The following DBI variants were observed in gnomAD, a reference collection of about 807,000 sequenced individuals.
The protein encoded by DBI is diazepam binding inhibitor, acyl-CoA binding protein.
Under a neutral mutation model 13.0 loss-of-function variants are expected in DBI, and 12 were observed. The observed-to-expected ratio is 0.92, with a 90% CI of 0.59 to 1.49. The LOEUF (loss-of-function observed/expected upper bound fraction) is 1.49. Among genes scored for constraint, DBI ranks in the 40% most tolerant of loss-of-function variants. The pLI is 0.00. For missense variants in DBI, 95 were observed against 104.8 expected (o/e 0.91, Z 0.41); for synonymous variants, 37 against 37.4 (o/e 0.99, Z 0.04).
intron 1 of DBI, chr2:119,367,672 G>C: frequency 6.2e-7 from 1 of 1,613,446 alleles, no homozygotes. Context: ...GGGCCCCAGG[G>C]GGAGGGAGGG....
At chr2:119,367,398 C>G in intron 1 of DBI, 3 of 1,478,072 alleles carry the variant, frequency 2.0e-6, no homozygotes, top group South Asian at 1.3e-5. Context: ...GTCCCCATCC[C>G]GAAGCACAGG....
In DBI at chr2:119,372,527, G is replaced by A. The variant is rs1573733283; in HGVS notation, c.*209G>A. The A allele has an allele frequency of 6.4e-6, 3 of 470,638 alleles. No homozygotes were observed. The highest frequency in any genetic ancestry group is 5.9e-4 in the Middle Eastern group (1 of 1,706). 29.2% of individuals were successfully genotyped at this position (470,638 alleles called of 1,614,324 possible). A position where few individuals can be genotyped will look rare whatever the true frequency, so the allele number is the denominator to read the frequency against. Reference sequence around the variant, plus strand: ...TTTTTATCTGAAATCAATTAAAAGTGTATTTGTTACTTTAAATAACTTTAG... The same window carrying A: ...TTTTTATCTGAAATCAATTAAAAGTATATTTGTTACTTTAAATAACTTTAG... On this transcript the variant is annotated 3_prime_UTR_variant, in exon 4 of 4. Transcript: ENST00000355857.
chr2:119,368,623 G>A lies in DBI; in HGVS notation c.127+318G>A, dbSNP rs112677173. On this transcript the variant is annotated intron_variant, in intron 2 of 3. Transcript: ENST00000355857. ...AGCTCAGTAGTATCATTGTTGAGCC[G>A]TTCAGCTTCTGCCCTAGATGGGCAG... The A allele has an allele frequency of 2.8e-3, 717 of 257,208 alleles. 7 individuals carry two copies. Among genetic ancestry groups the A allele is most frequent in the African/African-American group, 0.013 (619 of 46,080 alleles). The allele number at this position is 257,208 out of a possible 1,614,324, so 15.9% of individuals were successfully genotyped here.
rs1350161835 is a variant in DBI, at chr2:119,367,080, A to G, written c.9+20A>G. ...TCTCAGGTACAGCGCGTGCACAGCC[A>G]GGCTGCGAAGGTGCAGCGGGCGGGA... On this transcript the variant is annotated intron_variant, in intron 1 of 3. Coordinates refer to ENST00000355857, the MANE Select transcript of DBI (RefSeq NM_001079862.4). 6.2e-7 allele frequency: 1 copy of G among 1,613,716 alleles called. No homozygotes were observed.
At chr2:119,371,469 A>G (rs901188337) in intron 3 of DBI, among the ~76,000 whole-genome samples, 1 of 152,182 alleles carries the variant, frequency 6.6e-6, no homozygotes, top group Non-Finnish European at 1.5e-5. Context: ...CCACAATACA[A>G]TAAACACACT....
chr2:119,371,255 G>A (rs543134739), intron 3 of DBI, among the ~76,000 whole-genome samples: 8 of 152,284 alleles, frequency 5.3e-5, no homozygotes, highest in African/African-American at 7.2e-5. Context: ...CGCTGGCATC[G>A]TAGGCTCAGT....
intron 1 of DBI, 200 bp downstream of exon 1, chr2:119,367,260 C>G (rs1250991947): frequency 1.4e-6 from 2 of 1,436,400 alleles, no homozygotes; most frequent in Non-Finnish European, 1.8e-6. Flanking sequence ...TGCTGCCCAC[C>G]CCGCAACTGC....
chr2:119,371,872 A>G (rs917300336), intron 3 of DBI, among the ~76,000 whole-genome samples: 3 of 152,232 alleles, frequency 2.0e-5, no homozygotes, highest in African/African-American at 7.2e-5. Flanking sequence ...GCCAAAGCCA[A>G]TATCAGCCAC....
At chr2:119,371,998 A>C (rs1175805029) in intron 3 of DBI, among the ~76,000 whole-genome samples, 2 of 152,244 alleles carry the variant, frequency 1.3e-5, no homozygotes, top group African/African-American at 2.4e-5. Context: ...TGGGGGACGC[A>C]GGTGTCCAGC....
At chr2:119,372,181 C>T (rs1681563741) in intron 3 of DBI, 64 bp from the exon 4 acceptor site, 1 of 1,245,556 alleles carries the variant, frequency 8.0e-7, no homozygotes, top group Non-Finnish European at 1.2e-6. Context: ...GCCTGGGGCT[C>T]TGGAGGCTGC....
At chr2:119,367,930 T>C (rs1681179288) in intron 1 of DBI, 2 of 1,614,036 alleles carry the variant, frequency 1.2e-6, no homozygotes, top group African/African-American at 2.7e-5. Flanking sequence ...ATGCCTGCGT[T>C]TGTGAGAGCT....
chr2:119,372,445 C>A lies in DBI; in HGVS notation c.*127C>A. The A allele has an allele frequency of 1.5e-6, 1 of 677,362 alleles. No individual in the cohort carries two copies. The highest frequency in any genetic ancestry group is 1.8e-5 in the South Asian group (1 of 57,054). 42.0% of individuals were successfully genotyped at this position (677,362 alleles called of 1,614,324 possible). A position where few individuals can be genotyped will look rare whatever the true frequency, so the allele number is the denominator to read the frequency against. On this transcript the variant is annotated 3_prime_UTR_variant, in exon 4 of 4. Transcript: ENST00000355857. ...GTTAAACCAGCTACTCAAGGCTGCT[C>A]ACCATACGGCTCTAACAGATTAGGG...
At chr2:119,371,762 A>G (rs1020633501) in intron 3 of DBI, among the ~76,000 whole-genome samples, 4 of 152,210 alleles carry the variant, frequency 2.6e-5, no homozygotes, top group African/African-American at 4.8e-5. Flanking sequence ...AACTTTTCTC[A>G]TAGCCTCTCT....
chr2:119,369,710 T>G (rs551350622), intron 2 of DBI, among the ~76,000 whole-genome samples: 1 of 152,166 alleles, frequency 6.6e-6, no homozygotes, highest in East Asian at 1.9e-4. Context: ...CGCTTGAACC[T>G]GGGAGGTAGA....
At chr2:119,371,186 A>T (rs1163992661) in intron 3 of DBI, among the ~76,000 whole-genome samples, 7 of 152,146 alleles carry the variant, frequency 4.6e-5, no homozygotes, top group African/African-American at 1.7e-4. Flanking sequence ...GGCCCTCCCC[A>T]GTTCCTTCCT....
chr2:119,369,216 G>A (rs1332884291), intron 2 of DBI, among the ~76,000 whole-genome samples: 1 of 152,204 alleles, frequency 6.6e-6, no homozygotes, highest in Non-Finnish European at 1.5e-5. Context: ...GTCCTTCCAG[G>A]GAGGGGAAGG....
intron 2 of DBI, 168 bp from the exon 3 acceptor site, chr2:119,370,572 T>A (rs555385269): frequency 2.1e-6 from 1 of 476,890 alleles, no homozygotes; most frequent in East Asian, 3.3e-5. Flanking sequence ...TGGATTGGCA[T>A]ACATTGGTTT....
At chr2:119,367,207 A>T (rs1681071234) in intron 1 of DBI, 147 bp downstream of exon 1, 1 of 1,458,348 alleles carries the variant, frequency 6.9e-7, no homozygotes, top group South Asian at 1.4e-5. Context: ...TTCGTTGGAC[A>T]GAGCCTTGTG....
At chr2:119,367,832 G>T (rs1681162554) in intron 1 of DBI, 7 of 1,613,036 alleles carry the variant, frequency 4.3e-6, no homozygotes, top group Non-Finnish European at 5.9e-6. Flanking sequence ...TGGCCAGGCA[G>T]TTGGCCGCGC....
Sources: gnomAD v4.1 joint callset for allele counts (sites outside exome capture counted in the v4.1 genomes callset) on GRCh38, gnomAD v4.1.1 for gene constraint, MANE v1.5 for transcripts, NCBI Gene and HGNC (gene_info 2026-07-23, HGNC 2026-07-21) for gene names.